The following NBN variants were observed in gnomAD, a reference collection of about 807,000 sequenced individuals.
NBN encodes the protein Nijmegen breakage syndrome 1 (nibrin).
In NBN, 88 loss-of-function variants were observed where a neutral mutation model predicts 90.8. That is an observed-to-expected ratio of 0.97 (90% CI 0.82 to 1.16). NBN has a LOEUF of 1.16. Among genes scored for constraint, NBN ranks in the 50% most tolerant of loss-of-function variants. The pLI is 0.00. For missense variants in NBN, 894 were observed against 869.6 expected (o/e 1.03, Z -0.35); for synonymous variants, 328 against 295.1 (o/e 1.11, Z -1.14).
In NBN at chr8:89,947,802, AAATT is replaced by A. The variant is rs773894616; in HGVS notation, c.1914+18_1914+21del. 4.8e-6 allele frequency: 7 copies of A among 1,454,422 alleles called. No individual in the cohort carries two copies. The Admixed American group carries it at 8.7e-5, about 18-fold the overall frequency. The allele number at this position is 1,454,422 out of a possible 1,614,324, so 90.1% of individuals were successfully genotyped here. On this transcript the variant is annotated intron_variant, in intron 12 of 15. Transcript: ENST00000265433. The stretch of plus-strand genomic sequence containing the variant: ...GTCCCCGTAAGCCAAATCTGTATAA[AAATT>A]AATAAAACGTTTCTCACAGATATTT...
intron 14 of NBN, among the ~76,000 whole-genome samples, chr8:89,940,471 A>G (rs1404709264): frequency 6.6e-6 from 1 of 152,130 alleles, no homozygotes; most frequent in Admixed American, 6.6e-5. Flanking sequence ...AATTTTGATT[A>G]TACTGAATTT....
chr8:89,968,546 T>G (rs1811356769), intron 7 of NBN, among the ~76,000 whole-genome samples: 1 of 152,158 alleles, frequency 6.6e-6, no homozygotes, highest in South Asian at 2.1e-4. Context: ...GAGGATTAAA[T>G]GTTTATACAT....
intron 13 of NBN, among the ~76,000 whole-genome samples, chr8:89,944,410 C>T (rs1451148667): frequency 5.3e-5 from 8 of 152,204 alleles, no homozygotes; most frequent in Non-Finnish European, 1.0e-4. Flanking sequence ...ACTCATTTTA[C>T]AATCCCAAGC....
intron 1 of NBN, 97 bp downstream of exon 1, chr8:89,984,428 G>A: frequency 1.7e-6 from 2 of 1,159,858 alleles, no homozygotes; most frequent in South Asian, 2.6e-5. Flanking sequence ...AGCGTCCCCG[G>A]GCAGGAACGG....
intron 6 of NBN, 126 bp downstream of exon 6, chr8:89,971,047 T>C (rs104895035): frequency 2.9e-6 from 3 of 1,048,190 alleles, no homozygotes; most frequent in African/African-American, 3.2e-5. Context: ...GGGGTTTTTT[T>C]ATTCTACTTC....
Position 89,933,830 on chromosome 8 carries a change from A to C in NBN, c.*1752T>G. 1 of 232,532 alleles carries C rather than the reference A, an allele frequency of 4.3e-6. No individual in the cohort carries two copies. Among genetic ancestry groups the C allele is most frequent in the Non-Finnish European group, 8.5e-6 (1 of 117,628 alleles). 14.4% of individuals were successfully genotyped at this position (232,532 alleles called of 1,614,324 possible). A position where few individuals can be genotyped will look rare whatever the true frequency, so the allele number is the denominator to read the frequency against. On this transcript the variant is annotated 3_prime_UTR_variant, in exon 16 of 16. Coordinates refer to ENST00000265433, the MANE Select transcript of NBN (RefSeq NM_002485.5). ...GACTAGGTGTAATATCTCAATACAT[A>C]TATCCGACAAGAGACTTGCATCTAG...
rs917882657 is a variant in NBN at position 89,940,860 on chromosome 8, TATAA to T, written c.2184+2389_2184+2392del. Reference sequence around the variant, plus strand: ...AGAAATAGCTAACACTTCCCACTGTTATAAATGATTTATATGTAGTATCTGATTT... The same window carrying T: ...AGAAATAGCTAACACTTCCCACTGTTATGATTTATATGTAGTATCTGATTT... On this transcript the variant is annotated intron_variant, in intron 14 of 15. Coordinates refer to ENST00000265433, the MANE Select transcript of NBN (RefSeq NM_002485.5). Among the ~76,000 whole-genome samples the T allele has an allele frequency of 2.7e-3, 412 of 152,310 alleles. 1 individual carries two copies. The highest frequency in any genetic ancestry group is 9.0e-3 in the African/African-American group (375 of 41,580).
chr8:89,947,815 G>T lies in NBN; in HGVS notation c.1914+9C>A. On this transcript the variant is annotated intron_variant, in intron 12 of 15. Coordinates refer to ENST00000265433, the MANE Select transcript of NBN (RefSeq NM_002485.5). Reference sequence around the variant, plus strand: ...AAATCTGTATAAAAATTAATAAAACGTTTCTCACAGATATTTCTTTAGCTG... The same window carrying T: ...AAATCTGTATAAAAATTAATAAAACTTTTCTCACAGATATTTCTTTAGCTG... The T allele has an allele frequency of 6.6e-7, 1 of 1,521,418 alleles. No homozygotes were observed. The highest frequency in any genetic ancestry group is 9.1e-7 in the Non-Finnish European group (1 of 1,102,802). 94.2% of individuals were successfully genotyped at this position (1,521,418 alleles called of 1,614,324 possible).
intron 6 of NBN, 133 bp downstream of exon 6, chr8:89,971,040 G>GT (rs1811490226): frequency 6.2e-6 from 6 of 966,190 alleles, no homozygotes; most frequent in Non-Finnish European, 9.1e-6. Flanking sequence ...GGTGCCTGGG[G>GT]TTTTTTTATT....
At chr8:89,944,069 T>A (rs1382701815) in intron 13 of NBN, among the ~76,000 whole-genome samples, 3 of 152,116 alleles carry the variant, frequency 2.0e-5, no homozygotes, top group Non-Finnish European at 4.4e-5. Flanking sequence ...TAAAAAACGC[T>A]ATGTCATTGA....
intron 5 of NBN, among the ~76,000 whole-genome samples, chr8:89,975,180 T>C: frequency 6.6e-6 from 1 of 152,250 alleles, no homozygotes; most frequent in East Asian, 1.9e-4. Flanking sequence ...CATGAAGTTA[T>C]AACTGTCATA....
chr8:89,953,179 T>C (rs1810516185), intron 11 of NBN, 65 bp downstream of exon 11: 5 of 1,197,112 alleles, frequency 4.2e-6, no homozygotes, highest in Non-Finnish European at 6.2e-6. Context: ...CAATACAAAA[T>C]CGAAAGTACC....
chr8:89,982,009 GAACAGA>G, intron 2 of NBN: 1 of 1,128,688 alleles, frequency 8.9e-7, no homozygotes, highest in Non-Finnish European at 1.2e-6. Context: ...ATACCTAAAA[GAACAGA>G]AACAAAACCT....
intron 11 of NBN, among the ~76,000 whole-genome samples, chr8:89,948,289 G>A (rs1810289207): frequency 6.6e-6 from 1 of 152,156 alleles, no homozygotes; most frequent in East Asian, 1.9e-4. Flanking sequence ...TCTGTAGATG[G>A]TAGGATTATC....
intron 5 of NBN, among the ~76,000 whole-genome samples, chr8:89,977,863 T>C (rs1805793): frequency 0.51 from 77,464 of 152,078 alleles, 22,068 homozygotes; most frequent in African/African-American, 0.77. Flanking sequence ...CTATGTGGCT[T>C]GCAAAGAGGG....
At chr8:89,957,907 T>C (rs9650096) in intron 9 of NBN, among the ~76,000 whole-genome samples, 37,584 of 152,084 alleles carry the variant, frequency 0.25, 5,282 homozygotes, top group East Asian at 0.4. Context: ...ATTTATTATG[T>C]ACTTTATTTC....
intron 9 of NBN, among the ~76,000 whole-genome samples, chr8:89,956,583 T>C (rs1293457655): frequency 2.0e-5 from 3 of 152,168 alleles, no homozygotes; most frequent in Non-Finnish European, 4.4e-5. Context: ...CATTCAAATA[T>C]AGGCAACATC....
chr8:89,939,809 T>C (rs1809858745), intron 14 of NBN, among the ~76,000 whole-genome samples: 1 of 152,176 alleles, frequency 6.6e-6, no homozygotes. Flanking sequence ...ACACATAGGC[T>C]CCAAGGATCC....
chr8:89,952,464 T>C (rs569969981), intron 11 of NBN, among the ~76,000 whole-genome samples: 4 of 152,296 alleles, frequency 2.6e-5, no homozygotes, highest in Admixed American at 1.3e-4. Flanking sequence ...AAATAGGACA[T>C]AGGTTCTGTT....
Sources: gnomAD v4.1 joint callset for allele counts (sites outside exome capture counted in the v4.1 genomes callset) on GRCh38, gnomAD v4.1.1 for gene constraint, MANE v1.5 for transcripts, NCBI Gene and HGNC (gene_info 2026-07-23, HGNC 2026-07-21) for gene names.